C17orf99: variants seen among roughly 807,000 people sequenced by gnomAD.
The protein encoded by C17orf99 is protein IL-40.
C17orf99 carries 18 observed loss-of-function variants against 22.6 expected under a neutral mutation model. The observed-to-expected ratio is 0.80, with a 90% CI of 0.55 to 1.18. The LOEUF (loss-of-function observed/expected upper bound fraction) is 1.18. Among genes scored for constraint, C17orf99 ranks in the 50% most tolerant of loss-of-function variants. The probability of loss-of-function intolerance (pLI) is 0.00; values close to 1 mark genes in which losing one functional copy is unlikely to be tolerated. For synonymous variants in C17orf99, 147 were observed against 136.6 expected, an observed-to-expected ratio of 1.08 and a Z score of -0.53; for missense variants, 328 against 342.7, an observed-to-expected ratio of 0.96 and a Z score of 0.34.
chr17:78,157,721 C>T (rs560694159), intron 2 of C17orf99: 46 of 465,454 alleles, frequency 9.9e-5, no homozygotes, highest in South Asian at 4.0e-4. Context: ...GGCGTAAACC[C>T]GGGAGGCAGA....
chr17:78,157,340 C>A, intron 2 of C17orf99: 1 of 738,372 alleles, frequency 1.4e-6, no homozygotes, highest in Non-Finnish European at 2.0e-6. Context: ...GCGGCGGCGG[C>A]GGCGGCGGTG....
chr17:78,158,614 T>G (rs2075548245), intron 2 of C17orf99: 1 of 163,734 alleles, frequency 6.1e-6, no homozygotes, highest in African/African-American at 2.4e-5. Context: ...ACAATTTATT[T>G]GATGTTTTAT....
chr17:78,148,385 G>A (rs1168725710), intron 2 of C17orf99, among the ~76,000 whole-genome samples: 1 of 152,018 alleles, frequency 6.6e-6, no homozygotes, highest in Non-Finnish European at 1.5e-5. Flanking sequence ...AAATTAGCTG[G>A]GCATGGTGGG....
Position 78,161,265 on chromosome 17 carries a change from TG to T in C17orf99, c.370+17del, listed in dbSNP as rs774186323. 2 of 1,549,520 alleles carry T rather than the reference TG, an allele frequency of 1.3e-6. No homozygotes were observed. The highest frequency in any genetic ancestry group is 2.4e-5 in the South Asian group (2 of 83,972). On this transcript the variant is annotated intron_variant, in intron 3 of 4. Coordinates refer to ENST00000340363, the MANE Select transcript of C17orf99 (RefSeq NM_001163075.2). The stretch of plus-strand genomic sequence containing the variant: ...GGGAGCTGTGGTCCAGTGAGTGCGG[TG>T]GGGGGCACAGGGCTGAGGAGGCAGG...
At chr17:78,162,912 A>G (rs766893379) in intron 3 of C17orf99, among the ~76,000 whole-genome samples, 2 of 152,118 alleles carry the variant, frequency 1.3e-5, no homozygotes, top group Non-Finnish European at 2.9e-5. Flanking sequence ...CAGCCTCCCG[A>G]GTAGCTGGGA....
At chr17:78,155,044 G>A (rs552566912) in intron 2 of C17orf99, among the ~76,000 whole-genome samples, 5 of 151,960 alleles carry the variant, frequency 3.3e-5, no homozygotes, top group Admixed American at 2.0e-4. Flanking sequence ...ACCATTCTTC[G>A]CGGTGGGGGC....
At chr17:78,146,312 A>C, upstream of C17orf99, 42 of 1,149,368 alleles carry the variant, frequency 3.7e-5, no homozygotes, top group Non-Finnish European at 4.8e-5. This position sits in a 1 kb window ranked among gnomAD's most constrained non-coding sequence, Gnocchi z 5.2. Context: ...CACTGCAGGC[A>C]CCCACCCAGG....
intron 2 of C17orf99, among the ~76,000 whole-genome samples, chr17:78,155,581 T>C (rs968652519): frequency 6.6e-6 from 1 of 152,208 alleles, no homozygotes; most frequent in Non-Finnish European, 1.5e-5. Context: ...CCTCCCAAAG[T>C]GCTGGTATTA....
chr17:78,163,998 A>G, intron 3 of C17orf99, 97 bp from the exon 4 acceptor site: 1 of 1,102,962 alleles, frequency 9.1e-7, no homozygotes, highest in Non-Finnish European at 1.3e-6. Context: ...AGCCACAGCT[A>G]AGCTCATTAG....
chr17:78,157,329 A>AGCGGCG (rs60502457), intron 2 of C17orf99: 26 of 595,026 alleles, frequency 4.4e-5, no homozygotes, highest in South Asian at 3.6e-4. Flanking sequence ...TGTGTTCAGC[A>AGCGGCG]GCGGCGGCGG....
Position 78,161,168 on chromosome 17 carries a change from T to C in C17orf99, c.284T>C (p.Leu95Pro). The change falls in exon 3 of 5, where the codon CTG (leucine) becomes CCG (proline). Residue 95 changes from leucine (L) to proline (P), a missense_variant. Leu to Pro is a moderately conservative substitution (Grantham distance 98). Coordinates refer to ENST00000340363, the MANE Select transcript of C17orf99 (RefSeq NM_001163075.2). ...LNVTLKSSPD[L>P]LTYFCWASST... ...GTCACACTCAAGTCCAGTCCAGACCTGCTCACCTACTTCTGCTGGGCGTCC... is the reference window on the plus strand; with the variant it reads ...GTCACACTCAAGTCCAGTCCAGACCCGCTCACCTACTTCTGCTGGGCGTCC... The C allele has an allele frequency of 6.4e-7, 1 of 1,551,800 alleles. No individual in the cohort carries two copies. The highest frequency in any genetic ancestry group is 8.7e-7 in the Non-Finnish European group (1 of 1,146,984).
chr17:78,159,591 CAA>C (rs58887528), intron 2 of C17orf99, among the ~76,000 whole-genome samples: 1 of 140,668 alleles, frequency 7.1e-6, no homozygotes, highest in African/African-American at 2.6e-5. Context: ...GACTCTGTCT[CAA>C]AAAAAAAAAA....
At chr17:78,163,717 T>G (rs2075595119) in intron 3 of C17orf99, among the ~76,000 whole-genome samples, 2 of 151,986 alleles carry the variant, frequency 1.3e-5, no homozygotes, top group African/African-American at 4.8e-5. Context: ...AATACAAAAA[T>G]TAGCTGGATG....
At chr17:78,160,036 C>T (rs1261762201) in intron 2 of C17orf99, 6 of 455,942 alleles carry the variant, frequency 1.3e-5, no homozygotes, top group Admixed American at 2.4e-5. Flanking sequence ...CGTGTGTGTA[C>T]AGGTATCTGT....
In C17orf99 at chr17:78,149,054, G is replaced by A. The variant is rs536901729; in HGVS notation, c.70+2143G>A. 7.9e-5 allele frequency among the ~76,000 whole-genome samples: 12 copies of A among 152,248 alleles called. 1 individual carries two copies. The highest frequency in any genetic ancestry group is 4.1e-4 in the South Asian group (2 of 4,824). On this transcript the variant is annotated intron_variant, in intron 2 of 4. Transcript: ENST00000340363. ...CAGCCATGAAAGATGGCGCCAAGCC[G>A]GGCGCAGCTGCTCACGCCTGGAATC... is the stretch of plus-strand genomic sequence containing the variant.
chr17:78,154,166 T>G (rs1226296458), intron 2 of C17orf99, among the ~76,000 whole-genome samples: 1 of 151,614 alleles, frequency 6.6e-6, no homozygotes, highest in Non-Finnish European at 1.5e-5. Context: ...CCTCAAACGA[T>G]TCACCCTCTC....
intron 2 of C17orf99, among the ~76,000 whole-genome samples, chr17:78,155,783 T>C (rs562065967): frequency 5.3e-4 from 80 of 152,034 alleles, no homozygotes; most frequent in African/African-American, 1.8e-3. Flanking sequence ...TGTACCACCA[T>C]GCCCAGATAA....
Position 78,161,203 on chromosome 17 carries a change from G to A in C17orf99, c.319G>A (p.Gly107Ser), listed in dbSNP as rs2075573680. The A allele has an allele frequency of 6.4e-7, 1 of 1,551,648 alleles. No homozygotes were observed. Among genetic ancestry groups the A allele is most frequent in the South Asian group, 1.2e-5 (1 of 84,068 alleles). The change falls in exon 3 of 5, where the codon GGT becomes AGT. Residue 107 changes from glycine (G) to serine (S), a missense_variant. Physicochemically the swap from Gly to Ser is moderately conservative, Grantham distance 56. Coordinates refer to ENST00000340363, the MANE Select transcript of C17orf99 (RefSeq NM_001163075.2). ...TYFCWASSTS[G>S]AHVDSARLQM... ...CTTCTGCTGGGCGTCCTCCACCTCA[G>A]GTGCCCATGTGGACAGTGCCAGGCT...
At chr17:78,155,841 G>A (rs1198375608) in intron 2 of C17orf99, among the ~76,000 whole-genome samples, 1 of 151,476 alleles carries the variant, frequency 6.6e-6, no homozygotes, top group African/African-American at 2.4e-5. Context: ...TGGCCAGGCT[G>A]GTCTTGAACT....
Sources: gnomAD v4.1 joint callset for allele counts (sites outside exome capture counted in the v4.1 genomes callset) on GRCh38, gnomAD v4.1.1 for gene constraint, Gnocchi (gnomAD v3.1) non-coding constraint, MANE v1.5 for transcripts, NCBI Gene and HGNC (gene_info 2026-07-23, HGNC 2026-07-21) for gene names.